Variants in FAF2 observed in about 807,000 individuals in gnomAD.
FAF2 encodes FAS-associated factor 2.
Under a neutral mutation model 62.3 loss-of-function variants are expected in FAF2, and 9 were observed. The observed-to-expected ratio is 0.14, with a 90% CI of 0.09 to 0.25. FAF2 has a LOEUF of 0.25. FAF2 is among the 10% of genes least tolerant of loss of function. The pLI, the probability that FAF2 is intolerant of heterozygous loss-of-function variation, is 1.00. For missense variants in FAF2, 368 were observed against 556.2 expected (o/e 0.66, Z 3.40); for synonymous variants, 202 against 198.0 (o/e 1.02, Z -0.17).
At chr5:176,492,621 T>G (rs184817517) in intron 5 of FAF2, among the ~76,000 whole-genome samples, 4 of 152,300 alleles carry the variant, frequency 2.6e-5, no homozygotes, top group African/African-American at 9.6e-5. Flanking sequence ...TCTGTGCCTT[T>G]GCTTTTGCCG....
At chr5:176,489,134 A>G in intron 4 of FAF2, 107 bp downstream of exon 4, 1 of 720,976 alleles carries the variant, frequency 1.4e-6, no homozygotes, top group South Asian at 1.8e-5. Flanking sequence ...CCAATTTGTC[A>G]TGAGATGGAA....
In FAF2 at chr5:176,493,987, T is replaced by C; in HGVS notation, c.484-12T>C. The C allele has an allele frequency of 6.2e-7, 1 of 1,603,346 alleles. No homozygotes were observed. ...GTCTTCTTAATAGTGAGTGACCTTC[T>C]CTTTCTCACAGGCACTTAACGATGC... On this transcript the variant is annotated splice_polypyrimidine_tract_variant and intron_variant, in intron 5 of 10. Coordinates refer to ENST00000261942, the MANE Select transcript of FAF2 (RefSeq NM_014613.3).
chr5:176,479,951 T>C (rs1160492080), intron 2 of FAF2, among the ~76,000 whole-genome samples: 1 of 152,170 alleles, frequency 6.6e-6, no homozygotes, highest in African/African-American at 2.4e-5. Flanking sequence ...CCGCTCAGCC[T>C]TCCAAAGTGC....
intron 1 of FAF2, among the ~76,000 whole-genome samples, chr5:176,477,465 TA>T (rs1008127991): frequency 2.0e-5 from 3 of 152,024 alleles, no homozygotes; most frequent in Non-Finnish European, 4.4e-5. Flanking sequence ...GGTTGTAATG[TA>T]GGACACTGAA....
rs1331109926 is a variant in FAF2, at chr5:176,506,194, AAAAAAAAAAAAAC to A, written c.1156-560_1156-548del. 6.3e-4 allele frequency among the ~76,000 whole-genome samples: 77 copies of A among 122,906 alleles called. 1 individual carries two copies. The East Asian group carries it at 0.025, about 40-fold the overall frequency. 80.6% of individuals were successfully genotyped at this position (122,906 alleles called of 152,430 possible). On this transcript the variant is annotated intron_variant, in intron 10 of 10. Transcript: ENST00000261942. ...TGGGCAACAGAGCGAGACTCTCTCA[AAAAAAAAAAAAAC>A]AAAAAAAAAAAACTGGATCCCTTTG... is the stretch of plus-strand genomic sequence containing the variant.
intron 1 of FAF2, among the ~76,000 whole-genome samples, chr5:176,462,023 T>C (rs578069539): frequency 6.6e-6 from 1 of 152,298 alleles, no homozygotes; most frequent in Admixed American, 6.5e-5. Context: ...ACACCTGTAG[T>C]CCCAACACTT....
In FAF2 at chr5:176,492,252, G is replaced by A. The variant is rs779362292; in HGVS notation, c.403G>A (p.Asp135Asn). 4.3e-6 allele frequency: 7 copies of A among 1,614,126 alleles called. No individual in the cohort carries two copies. The South Asian group carries it at 6.6e-5, about 15-fold the overall frequency. Residue 135 changes from aspartate (D) to asparagine (N), a missense_variant, in exon 5 of 11, where the codon GAC becomes AAC. Asp to Asn is a conservative substitution (Grantham distance 23, BLOSUM62 1). Coordinates refer to ENST00000261942, the MANE Select transcript of FAF2 (RefSeq NM_014613.3). ...PRSRVTDPVGDIVSFMHSFEE... is the reference protein window; with the variant it reads ...PRSRVTDPVGNIVSFMHSFEE... ...CAGCCGGGTCACTGACCCCGTTGGG[G>A]ACATTGTTTCATTTATGCACTCTTT...
chr5:176,449,685 T>C (rs1174713603), intron 1 of FAF2, among the ~76,000 whole-genome samples: 1 of 152,248 alleles, frequency 6.6e-6, no homozygotes, highest in Non-Finnish European at 1.5e-5. Flanking sequence ...TTTTCTGCTA[T>C]TAATTTGACT....
chr5:176,490,573 G>C (rs1758956370), intron 4 of FAF2, among the ~76,000 whole-genome samples: 1 of 152,126 alleles, frequency 6.6e-6, no homozygotes, highest in Admixed American at 6.5e-5. Context: ...TCCAGCAGCT[G>C]CATAAGTACA....
chr5:176,506,736 A>AC (rs757041639), intron 10 of FAF2, 32 bp from the exon 11 acceptor site: 3 of 1,590,972 alleles, frequency 1.9e-6, no homozygotes, highest in Non-Finnish European at 2.6e-6. Flanking sequence ...TGTTTTTCTC[A>AC]CCACCCTTCT....
At chr5:176,482,217 A>G (rs1758791808) in intron 2 of FAF2, among the ~76,000 whole-genome samples, 1 of 133,476 alleles carries the variant, frequency 7.5e-6, no homozygotes. Context: ...TTGAGCTGTG[A>G]AAGTTTTTTT....
In FAF2 at chr5:176,462,672, T is replaced by C. The variant is rs558981400; in HGVS notation, c.63+14202T>C. On this transcript the variant is annotated intron_variant, in intron 1 of 10. Coordinates refer to ENST00000261942, the MANE Select transcript of FAF2 (RefSeq NM_014613.3). The stretch of plus-strand genomic sequence containing the variant: ...TTAATAAATAGTTGAATCTAAATCC[T>C]AGAGCATCCTCTCATGTCAAGTTTT... Among the ~76,000 whole-genome samples, 46 of 152,268 alleles carry C rather than the reference T, an allele frequency of 3.0e-4. No individual in the cohort carries two copies. The South Asian group carries it at 9.3e-3, about 31-fold the overall frequency.
chr5:176,486,613 T>G (rs1324910587), intron 3 of FAF2, 124 bp downstream of exon 3: 1 of 949,958 alleles, frequency 1.1e-6, no homozygotes, highest in African/African-American at 1.7e-5. Flanking sequence ...TAGTTAGACT[T>G]GGCCCGTTGG....
Position 176,459,685 on chromosome 5 carries a change from A to G in FAF2, c.63+11215A>G, listed in dbSNP as rs146713499. ...TTTCTGTATCTGCAAAATGACATAG[A>G]TATTTGTGTGGGTGTGGGTGTGGTT... On this transcript the variant is annotated intron_variant, in intron 1 of 10. Coordinates refer to ENST00000261942, the MANE Select transcript of FAF2 (RefSeq NM_014613.3). Among the ~76,000 whole-genome samples, 93 of 152,144 alleles carry G rather than the reference A, an allele frequency of 6.1e-4. 1 individual carries two copies. The East Asian group carries it at 0.017, about 28-fold the overall frequency.
chr5:176,505,511 T>C (rs1286159445), intron 10 of FAF2, among the ~76,000 whole-genome samples: 1 of 152,122 alleles, frequency 6.6e-6, no homozygotes, highest in Non-Finnish European at 1.5e-5. Context: ...TGGTGTTTGG[T>C]TACATGAGTC....
intron 4 of FAF2, among the ~76,000 whole-genome samples, chr5:176,490,096 C>T (rs939513410): frequency 6.6e-6 from 1 of 151,842 alleles, no homozygotes; most frequent in African/African-American, 2.4e-5. Flanking sequence ...CGGATCACAA[C>T]GTCAGGAGAT....
chr5:176,464,168 G>C (rs1758426404), intron 1 of FAF2, among the ~76,000 whole-genome samples: 1 of 151,930 alleles, frequency 6.6e-6, no homozygotes, highest in Admixed American at 6.6e-5. Context: ...TGTTTCCCAG[G>C]CTGTCCTTAA....
At chr5:176,487,615 A>G (rs1305298593) in intron 3 of FAF2, among the ~76,000 whole-genome samples, 1 of 152,200 alleles carries the variant, frequency 6.6e-6, no homozygotes, top group African/African-American at 2.4e-5. Context: ...AGGTTAACAC[A>G]ATGTGACAAC....
At position 176,481,424 on chromosome 5, in the gene FAF2, A is replaced by C. The variant is rs185733065; in HGVS notation, c.132+2168A>C. On this transcript the variant is annotated intron_variant, in intron 2 of 10. Coordinates refer to ENST00000261942, the MANE Select transcript of FAF2 (RefSeq NM_014613.3). Reference sequence around the variant, plus strand: ...TGTAATCCCAGCACTTTGGGAGGCCAAGGCAGGCAGATCACGAGGTCAGGA... The same window carrying C: ...TGTAATCCCAGCACTTTGGGAGGCCCAGGCAGGCAGATCACGAGGTCAGGA... Among the ~76,000 whole-genome samples, 11 of 152,118 alleles carry C rather than the reference A, an allele frequency of 7.2e-5. No individual in the cohort carries two copies. In the East Asian group the frequency reaches 1.8e-3, roughly 24 times the overall value.
Sources: allele counts gnomAD v4.1 joint callset (sites outside exome capture counted in the v4.1 genomes callset), GRCh38; gene constraint gnomAD v4.1.1; transcripts MANE v1.5; gene names NCBI Gene and HGNC (gene_info 2026-07-23, HGNC 2026-07-21).